Variants in FAM210A observed in about 807,000 individuals in gnomAD.
FAM210A encodes family with sequence similarity 210 member A.
FAM210A carries 13 observed loss-of-function variants against 25.3 expected under a neutral mutation model. The ratio of observed to expected loss-of-function variants is 0.51; its 90% CI spans 0.33 to 0.82. FAM210A has a LOEUF of 0.82. Ranked by LOEUF, FAM210A falls within the 40% of genes least tolerant of loss-of-function variation. The probability of loss-of-function intolerance (pLI) is 0.02; values close to 1 mark genes in which losing one functional copy is unlikely to be tolerated. For missense variants in FAM210A, 319 were observed against 323.2 expected, an observed-to-expected ratio of 0.99 and a Z score of 0.10; for synonymous variants, 125 against 118.7, an observed-to-expected ratio of 1.05 and a Z score of -0.35.
chr18:13,713,026 C>T (rs538887790), intron 1 of FAM210A, among the ~76,000 whole-genome samples: 6 of 152,230 alleles, frequency 3.9e-5, no homozygotes, highest in South Asian at 2.1e-4. Context: ...TTACAAACCC[C>T]GGAGATGTTA....
At chr18:13,692,507 A>C (rs1285759620) in intron 1 of FAM210A, among the ~76,000 whole-genome samples, 1 of 152,190 alleles carries the variant, frequency 6.6e-6, no homozygotes, top group African/African-American at 2.4e-5. Flanking sequence ...GTTGGAAGTA[A>C]AGCACTCCTC....
intron 1 of FAM210A, among the ~76,000 whole-genome samples, chr18:13,704,408 C>T (rs1258745454): frequency 2.0e-5 from 3 of 152,026 alleles, no homozygotes; most frequent in Non-Finnish European, 4.4e-5. Context: ...GAAATAAAAG[C>T]ACAATAGGGT....
chr18:13,698,370 A>T (rs920429202), intron 1 of FAM210A, among the ~76,000 whole-genome samples: 1 of 151,698 alleles, frequency 6.6e-6, no homozygotes, highest in East Asian at 1.9e-4. Context: ...AAAAAAAAAA[A>T]AATAAGAATT....
At chr18:13,667,917 C>T (rs952582019) in intron 3 of FAM210A, among the ~76,000 whole-genome samples, 2 of 151,988 alleles carry the variant, frequency 1.3e-5, no homozygotes, top group African/African-American at 4.8e-5. Flanking sequence ...AAATACTTAG[C>T]CGGGAGTAAG....
At chr18:13,698,824 TC>T (rs1372755655) in intron 1 of FAM210A, among the ~76,000 whole-genome samples, 1 of 152,014 alleles carries the variant, frequency 6.6e-6, no homozygotes, top group African/African-American at 2.4e-5. Flanking sequence ...CCCAGACCCC[TC>T]CCCCCGATAC....
chr18:13,692,523 A>G (rs1385741275), intron 1 of FAM210A, among the ~76,000 whole-genome samples: 1 of 152,218 alleles, frequency 6.6e-6, no homozygotes, highest in African/African-American at 2.4e-5. Flanking sequence ...TCCTCAGCAA[A>G]TGTAAAAGAA....
intron 2 of FAM210A, among the ~76,000 whole-genome samples, chr18:13,680,068 G>A (rs1290693628): frequency 6.6e-6 from 1 of 152,066 alleles, no homozygotes; most frequent in Non-Finnish European, 1.5e-5. Context: ...ATCATACATG[G>A]GCAACCTGAC....
intron 1 of FAM210A, chr18:13,697,727 C>T (rs1293924397): frequency 6.6e-6 from 1 of 151,102 alleles, no homozygotes; most frequent in African/African-American, 2.4e-5. Flanking sequence ...TTCTATTCAC[C>T]CACCTGAACT....
At chr18:13,723,589 T>C (rs2043913109) in intron 1 of FAM210A, among the ~76,000 whole-genome samples, 1 of 152,218 alleles carries the variant, frequency 6.6e-6, no homozygotes, top group Admixed American at 6.5e-5. Context: ...TAGCCTTCAA[T>C]TGATTGAATG....
At chr18:13,683,162 T>A (rs1281445739) in intron 1 of FAM210A, among the ~76,000 whole-genome samples, 1 of 152,238 alleles carries the variant, frequency 6.6e-6, no homozygotes, top group African/African-American at 2.4e-5. Context: ...TTTTGTAAAC[T>A]AATGAGCATC....
In FAM210A at chr18:13,695,160, T is replaced by C. The variant is rs1350317543; in HGVS notation, c.-28-13055A>G. On this transcript the variant is annotated intron_variant, in intron 1 of 3. Transcript: ENST00000651643. ...AGAGAAATGCAAATCAAAACCACAATGAGATACCATCTCACGCCAGTTAGA... is the reference window on the plus strand; with the variant it reads ...AGAGAAATGCAAATCAAAACCACAACGAGATACCATCTCACGCCAGTTAGA... Among the ~76,000 whole-genome samples, 18 of 152,274 alleles carry C rather than the reference T, an allele frequency of 1.2e-4. No individual in the cohort carries two copies. In the East Asian group the frequency reaches 1.4e-3, roughly 11 times the overall value.
In FAM210A at chr18:13,663,801, T is replaced by G. The variant is rs1048057096; in HGVS notation, c.*2679A>C. ...CTGCACTCTAGCCTGGGTGACAGAGTGAGACTCTGTCTCAAAAAAATAAAT... is the reference window on the plus strand; with the variant it reads ...CTGCACTCTAGCCTGGGTGACAGAGGGAGACTCTGTCTCAAAAAAATAAAT... On this transcript the variant is annotated 3_prime_UTR_variant, in exon 4 of 4. Transcript: ENST00000651643. 1 of 151,762 alleles carries G rather than the reference T, an allele frequency of 6.6e-6. No individual in the cohort carries two copies. Among genetic ancestry groups the G allele is most frequent in the Non-Finnish European group, 1.5e-5 (1 of 67,978 alleles). 9.4% of individuals were successfully genotyped at this position (151,762 alleles called of 1,614,324 possible). A position where few individuals can be genotyped will look rare whatever the true frequency, so the allele number is the denominator to read the frequency against.
chr18:13,714,047 T>C (rs1464516895), intron 1 of FAM210A, among the ~76,000 whole-genome samples: 1 of 152,188 alleles, frequency 6.6e-6, no homozygotes, highest in South Asian at 2.1e-4. Flanking sequence ...CGTAAAACAG[T>C]TACAAAAGAA....
intron 2 of FAM210A, among the ~76,000 whole-genome samples, chr18:13,679,594 T>C (rs530211635): frequency 1.9e-3 from 293 of 152,344 alleles, no homozygotes; most frequent in South Asian, 6.0e-3. Flanking sequence ...TTATAAATTC[T>C]CTACGTGATG....
chr18:13,697,799 C>G (rs1370719014), intron 1 of FAM210A: 1 of 151,954 alleles, frequency 6.6e-6, no homozygotes, highest in African/African-American at 2.4e-5. Flanking sequence ...TCATAATTGC[C>G]AAAACTTAGA....
intron 1 of FAM210A, among the ~76,000 whole-genome samples, chr18:13,722,450 A>C (rs776680592): frequency 6.6e-6 from 1 of 152,140 alleles, no homozygotes; most frequent in Non-Finnish European, 1.5e-5. Flanking sequence ...AACTACCTCA[A>C]GGGAGGTCAT....
chr18:13,717,112 G>A (rs573936076), intron 1 of FAM210A, among the ~76,000 whole-genome samples: 8 of 152,306 alleles, frequency 5.3e-5, no homozygotes, highest in Admixed American at 3.9e-4. Flanking sequence ...GGCTGGGGTG[G>A]ATAGAGAGCA....
chr18:13,690,743 C>G (rs1394570445), intron 1 of FAM210A, among the ~76,000 whole-genome samples: 1 of 152,150 alleles, frequency 6.6e-6, no homozygotes, highest in East Asian at 1.9e-4. Flanking sequence ...CACACCAAAA[C>G]CCCATCTGTA....
At chr18:13,704,385 T>C (rs775477822) in intron 1 of FAM210A, among the ~76,000 whole-genome samples, 3 of 152,160 alleles carry the variant, frequency 2.0e-5, no homozygotes, top group Non-Finnish European at 4.4e-5. Flanking sequence ...CAGCATTCCA[T>C]AAATTAAACC....
Sources: gnomAD v4.1 joint callset for allele counts (sites outside exome capture counted in the v4.1 genomes callset) on GRCh38, gnomAD v4.1.1 for gene constraint, MANE v1.5 for transcripts, NCBI Gene and HGNC (gene_info 2026-07-23, HGNC 2026-07-21) for gene names.